PCLO: variants seen among roughly 807,000 people sequenced by gnomAD.
PCLO encodes piccolo presynaptic cytomatrix protein.
A neutral mutation model predicts 427.5 loss-of-function variants in PCLO; 82 were observed. That is an observed-to-expected ratio of 0.19 (90% CI 0.16 to 0.23). The LOEUF (loss-of-function observed/expected upper bound fraction) is 0.23. Ranked by LOEUF, PCLO falls within the 10% of genes least tolerant of loss-of-function variation. The probability of loss-of-function intolerance (pLI) is 1.00; values close to 1 mark genes in which losing one functional copy is unlikely to be tolerated. For synonymous variants in PCLO, 2,357 were observed against 2,155.4 expected (o/e 1.09, Z -2.59); for missense variants, 6,239 against 6,115.9 (o/e 1.02, Z -0.67).
chr7:82,870,403 T>C (rs1169539654), intron 10 of PCLO, among the ~76,000 whole-genome samples: 1 of 151,918 alleles, frequency 6.6e-6, no homozygotes, highest in Non-Finnish European at 1.5e-5. Flanking sequence ...AAGATTAAAA[T>C]TAGAGCATTA....
chr7:82,846,998 C>T (rs909289754), intron 11 of PCLO, 141 bp downstream of exon 11: 26 of 589,662 alleles, frequency 4.4e-5, no homozygotes, highest in African/African-American at 2.8e-4. Flanking sequence ...TGAATTCTTT[C>T]TATGCTTTAG....
chr7:83,137,731 C>T lies in PCLO; in HGVS notation c.1894-2075G>A, dbSNP rs564571592. 1.2e-4 allele frequency among the ~76,000 whole-genome samples: 19 copies of T among 152,238 alleles called. No homozygotes were observed. The South Asian group carries it at 3.9e-3, about 32-fold the overall frequency. On this transcript the variant is annotated intron_variant, in intron 2 of 24. Transcript: ENST00000333891. Reference sequence around the variant, plus strand: ...CACAGGCATGAGCCACCACGCCCGGCCATGGATATTCATTATATTTATTTG... The same window carrying T: ...CACAGGCATGAGCCACCACGCCCGGTCATGGATATTCATTATATTTATTTG...
At chr7:83,084,229 G>C (rs1183152143) in intron 3 of PCLO, among the ~76,000 whole-genome samples, 1 of 151,680 alleles carries the variant, frequency 6.6e-6, no homozygotes, top group African/African-American at 2.4e-5. Context: ...TATGAATTTT[G>C]GAATTGGACT....
At chr7:82,895,860 T>C (rs1793891421) in intron 9 of PCLO, among the ~76,000 whole-genome samples, 1 of 151,918 alleles carries the variant, frequency 6.6e-6, no homozygotes, top group Admixed American at 6.6e-5. Flanking sequence ...GGTGATTTCA[T>C]TGGTGGATTC....
At chr7:83,087,789 T>C (rs1394237676) in intron 3 of PCLO, among the ~76,000 whole-genome samples, 3 of 152,180 alleles carry the variant, frequency 2.0e-5, no homozygotes, top group Admixed American at 2.0e-4. Context: ...TATTAAATTA[T>C]GTATTATGCT....
At chr7:82,913,491 C>A (rs919697524) in intron 7 of PCLO, among the ~76,000 whole-genome samples, 59 of 151,634 alleles carry the variant, frequency 3.9e-4, no homozygotes, top group African/African-American at 1.4e-3. Context: ...TTTATTTGAT[C>A]AAAAATATTT....
intron 3 of PCLO, among the ~76,000 whole-genome samples, chr7:83,123,074 T>C (rs542050576): frequency 6.6e-6 from 1 of 152,220 alleles, no homozygotes; most frequent in South Asian, 2.1e-4. Context: ...AATCTACAGA[T>C]ACAATGCAAT....
chr7:82,805,907 C>A, intron 20 of PCLO, 78 bp from the exon 21 acceptor site: 1 of 1,364,578 alleles, frequency 7.3e-7, no homozygotes, highest in Non-Finnish European at 1.0e-6. Context: ...CATTATACAT[C>A]TTCTTAATTT....
chr7:82,886,563 C>T (rs1456789894), intron 9 of PCLO, among the ~76,000 whole-genome samples: 1 of 152,026 alleles, frequency 6.6e-6, no homozygotes, highest in East Asian at 1.9e-4. Context: ...TAAATGAAAT[C>T]CAGATGCTAG....
At chr7:82,927,067 A>G (rs527712187) in intron 6 of PCLO, among the ~76,000 whole-genome samples, 1 of 152,210 alleles carries the variant, frequency 6.6e-6, no homozygotes, top group South Asian at 2.1e-4. Context: ...TCTGTCAACC[A>G]CTTTATTCAA....
rs1793448386 is a variant in PCLO at position 82,879,403 on chromosome 7, T to A, written c.13588A>T (p.Ile4530Phe). Residue 4530 changes from isoleucine to phenylalanine, a missense_variant, in exon 10 of 25, where the codon ATT (isoleucine) becomes TTT (phenylalanine). Transcript: ENST00000333891. ...GKEIPGHSGE[I>F]GAYIAKILPG... is the part of the protein sequence containing the mutation. Reference sequence around the variant, plus strand: ...AGAATCTTGGCAATATAGGCTCCAATTTCTCCACTATGTCCCGGGATTTCT... The same window carrying A: ...AGAATCTTGGCAATATAGGCTCCAAATTCTCCACTATGTCCCGGGATTTCT... 11 of 1,610,624 alleles carry A rather than the reference T, an allele frequency of 6.8e-6. No homozygotes were observed. Among genetic ancestry groups the A allele is most frequent in the Non-Finnish European group, 9.3e-6 (11 of 1,177,352 alleles).
chr7:82,907,950 C>T (rs544724591), intron 8 of PCLO, among the ~76,000 whole-genome samples: 2 of 152,142 alleles, frequency 1.3e-5, no homozygotes, highest in South Asian at 4.1e-4. Flanking sequence ...ATGACAAACA[C>T]TGAATTATAG....
intron 3 of PCLO, among the ~76,000 whole-genome samples, chr7:83,032,354 A>G (rs1161347445): frequency 6.6e-6 from 1 of 151,656 alleles, no homozygotes; most frequent in Non-Finnish European, 1.5e-5. Context: ...TTCATCATGG[A>G]TACATTTTCA....
chr7:82,805,086 C>CTT (rs111966448), intron 21 of PCLO, among the ~76,000 whole-genome samples: 5,182 of 149,216 alleles, frequency 0.035, 268 homozygotes, highest in African/African-American at 0.11. Context: ...TGCAAAATGA[C>CTT]TTTTTTTTTA....
chr7:83,041,559 C>A (rs1482227492), intron 3 of PCLO, among the ~76,000 whole-genome samples: 1 of 152,138 alleles, frequency 6.6e-6, no homozygotes, highest in East Asian at 1.9e-4. Flanking sequence ...CCAACTTTTA[C>A]ATTTCAAACA....
Position 82,839,316 on chromosome 7 carries a change from TA to T in PCLO, c.14098-975del, listed in dbSNP as rs1792308001. Reference sequence around the variant, plus strand: ...AGTCATACTTTCCTGTAAAACTTCATAATGAAATAAATCCTCATTTTAGTAT... The same window carrying T: ...AGTCATACTTTCCTGTAAAACTTCATATGAAATAAATCCTCATTTTAGTAT... On this transcript the variant is annotated intron_variant, in intron 14 of 24. Coordinates refer to ENST00000333891, the MANE Select transcript of PCLO (RefSeq NM_033026.6). Among the ~76,000 whole-genome samples the T allele has an allele frequency of 3.3e-5, 5 of 152,180 alleles. No individual in the cohort carries two copies. In the South Asian group the frequency reaches 1.0e-3, roughly 32 times the overall value.
At chr7:82,801,755 A>C (rs1326998059) in intron 21 of PCLO, among the ~76,000 whole-genome samples, 164 bp from the exon 22 acceptor site, 1 of 152,228 alleles carries the variant, frequency 6.6e-6, no homozygotes, top group East Asian at 1.9e-4. Flanking sequence ...TGAATGGCAC[A>C]TACATACACA....
At position 83,135,392 on chromosome 7, in the gene PCLO, C is replaced by G. The variant is rs954304436; in HGVS notation, c.2158G>C (p.Ala720Pro). The G allele has an allele frequency of 6.2e-7, 1 of 1,613,772 alleles. No individual in the cohort carries two copies. The highest frequency in any genetic ancestry group is 1.7e-5 in the Admixed American group (1 of 59,994). ...PTLHGSPSAKAKQPPEADSLS... is the reference protein window; with the variant it reads ...PTLHGSPSAKPKQPPEADSLS... ...GAATCTGCCTCAGGGGGCTGCTTGG[C>G]CTTGGCTGAAGGAGAGCCATGAAGG... The change falls in exon 3 of 25, where the codon GCC becomes CCC. Residue 720 changes from alanine (A) to proline (P), a missense_variant. Transcript: ENST00000333891.
At position 82,760,493 on chromosome 7, in the gene PCLO, A is replaced by T. The variant is rs192324514; in HGVS notation, c.15288+146T>A. 3.7e-4 allele frequency: 173 copies of T among 471,224 alleles called. 1 individual carries two copies. Among genetic ancestry groups the T allele is most frequent in the African/African-American group, 3.4e-3 (166 of 49,398 alleles). 29.2% of individuals were successfully genotyped at this position (471,224 alleles called of 1,614,324 possible). On this transcript the variant is annotated intron_variant, in intron 24 of 24. Coordinates refer to ENST00000333891, the MANE Select transcript of PCLO (RefSeq NM_033026.6). ...TGAGTGGGCTGTGGAATTCTAAAAGATTCCTGGGGAGATACTGCTGAAAAT... is the reference window on the plus strand; with the variant it reads ...TGAGTGGGCTGTGGAATTCTAAAAGTTTCCTGGGGAGATACTGCTGAAAAT...
Sources: allele counts gnomAD v4.1 joint callset (sites outside exome capture counted in the v4.1 genomes callset), GRCh38; gene constraint gnomAD v4.1.1; transcripts MANE v1.5; gene names NCBI Gene and HGNC (gene_info 2026-07-23, HGNC 2026-07-21).